CDH4: variants seen among roughly 807,000 people sequenced by gnomAD.
CDH4 encodes cadherin-4.
CDH4 carries 33 observed loss-of-function variants against 86.0 expected under a neutral mutation model. The ratio of observed to expected loss-of-function variants is 0.38; its 90% CI spans 0.29 to 0.51. The LOEUF (loss-of-function observed/expected upper bound fraction) is 0.51, where lower values mean the gene tolerates loss of function less well. Ranked by LOEUF, CDH4 falls within the 20% of genes least tolerant of loss-of-function variation. The probability of loss-of-function intolerance (pLI) is 0.86; values close to 1 mark genes in which losing one functional copy is unlikely to be tolerated. For missense variants in CDH4, 1,114 were observed against 1,307.4 expected (o/e 0.85, Z 2.28); for synonymous variants, 555 against 549.4 (o/e 1.01, Z -0.14).
At chr20:61,572,866 T>TGGATGGACGGAC (rs1221730212) in intron 2 of CDH4, among the ~76,000 whole-genome samples, 1 of 150,482 alleles carries the variant, frequency 6.6e-6, no homozygotes, top group African/African-American at 2.5e-5. Flanking sequence ...GATGGATGGA[T>TGGATGGACGGAC]GGACAGACAG....
In CDH4 at chr20:61,909,773, C is replaced by T. The variant is rs59725132; in HGVS notation, c.1189-649C>T. On this transcript the variant is annotated intron_variant, in intron 8 of 15. Coordinates refer to ENST00000614565, the MANE Select transcript of CDH4 (RefSeq NM_001794.5). Reference sequence around the variant, plus strand: ...AATCTCCCCAGCTCAGAATTCTTACCTCCAGCACCTTTTCTTCCTACAAGG... The same window carrying T: ...AATCTCCCCAGCTCAGAATTCTTACTTCCAGCACCTTTTCTTCCTACAAGG... Among the ~76,000 whole-genome samples the T allele has an allele frequency of 7.9e-5, 12 of 152,358 alleles. No individual in the cohort carries two copies. The East Asian group carries it at 2.3e-3, about 29-fold the overall frequency.
At chr20:61,864,903 C>G (rs148538913) in intron 6 of CDH4, among the ~76,000 whole-genome samples, 303 of 152,306 alleles carry the variant, frequency 2.0e-3, no homozygotes, top group African/African-American at 6.8e-3. Flanking sequence ...CGGGGCCACT[C>G]TCCTGCCCTG....
chr20:61,285,339 G>C (rs2123172960), intron 2 of CDH4, among the ~76,000 whole-genome samples: 1 of 149,866 alleles, frequency 6.7e-6, no homozygotes, highest in Middle Eastern at 3.4e-3. Context: ...GTGTAGCATA[G>C]AGCAGGGGCA....
At chr20:61,585,968 G>A (rs935211743) in intron 2 of CDH4, among the ~76,000 whole-genome samples, 1 of 111,346 alleles carries the variant, frequency 9.0e-6, no homozygotes, top group African/African-American at 3.2e-5. Context: ...GATGGTGATG[G>A]TGATGATGTG....
chr20:61,782,451 C>T (rs139698786), intron 4 of CDH4, among the ~76,000 whole-genome samples: 1 of 152,312 alleles, frequency 6.6e-6, no homozygotes, highest in African/African-American at 2.4e-5. Flanking sequence ...AAATCCACAC[C>T]TCCAGGAAGG....
intron 2 of CDH4, among the ~76,000 whole-genome samples, chr20:61,515,951 C>G (rs2145619435): frequency 6.6e-6 from 1 of 152,214 alleles, no homozygotes; most frequent in African/African-American, 2.4e-5. Flanking sequence ...ATCCTGCCAT[C>G]CCTCACCCCT....
At chr20:61,529,437 G>A (rs1445410382) in intron 2 of CDH4, among the ~76,000 whole-genome samples, 4 of 152,174 alleles carry the variant, frequency 2.6e-5, no homozygotes, top group Non-Finnish European at 4.4e-5. Flanking sequence ...CACTGGAGGC[G>A]CTTCACAAGT....
intron 2 of CDH4, among the ~76,000 whole-genome samples, chr20:61,542,992 T>G (rs1042274974): frequency 5.3e-5 from 8 of 152,234 alleles, no homozygotes; most frequent in African/African-American, 1.7e-4. Flanking sequence ...GCCAGGAGTC[T>G]AAAAGCGGAA....
intron 2 of CDH4, among the ~76,000 whole-genome samples, chr20:61,640,461 G>A (rs1380242066): frequency 6.6e-6 from 1 of 152,184 alleles, no homozygotes; most frequent in Admixed American, 6.5e-5. Context: ...GCCCTGTGCT[G>A]GCTTCCGGGG....
chr20:61,736,138 C>T (rs1268449761), intron 2 of CDH4, among the ~76,000 whole-genome samples: 1 of 152,184 alleles, frequency 6.6e-6, no homozygotes, highest in Non-Finnish European at 1.5e-5. Flanking sequence ...CTCCATGCAA[C>T]ATCTCCTGGG....
chr20:61,674,928 T>TTGTC (rs1302166403), intron 2 of CDH4, among the ~76,000 whole-genome samples: 2 of 152,196 alleles, frequency 1.3e-5, no homozygotes, highest in African/African-American at 4.8e-5. Flanking sequence ...CCTGTACGTA[T>TTGTC]TGTCTGTGGC....
At chr20:61,748,094 G>C (rs1037040410) in intron 3 of CDH4, among the ~76,000 whole-genome samples, 14 of 151,556 alleles carry the variant, frequency 9.2e-5, no homozygotes, top group South Asian at 2.1e-4. Context: ...GGGCGTTGTG[G>C]GGGGGTTGGA....
intron 2 of CDH4, chr20:61,738,790 C>T (rs567442595): frequency 3.9e-5 from 6 of 152,428 alleles, no homozygotes; most frequent in African/African-American, 1.4e-4. Context: ...GGCAGCAAAC[C>T]CCGCTCCTCC....
chr20:61,788,449 C>T (rs1398459414), intron 4 of CDH4, among the ~76,000 whole-genome samples: 1 of 152,146 alleles, frequency 6.6e-6, no homozygotes, highest in Non-Finnish European at 1.5e-5. Flanking sequence ...CCTGGGGAAA[C>T]GGAAACTCAT....
intron 2 of CDH4, among the ~76,000 whole-genome samples, chr20:61,647,548 T>TCC (rs1252100896): frequency 9.2e-6 from 1 of 108,582 alleles, no homozygotes; most frequent in East Asian, 2.3e-4. Context: ...TCCCTCTCCC[T>TCC]CTCCCTCTCC....
At chr20:61,801,555 A>T (rs6061832) in intron 4 of CDH4, among the ~76,000 whole-genome samples, 2 of 152,010 alleles carry the variant, frequency 1.3e-5, no homozygotes, top group African/African-American at 4.8e-5. Context: ...GTGTAGCCCC[A>T]CATGGTGCTG....
intron 2 of CDH4, among the ~76,000 whole-genome samples, chr20:61,329,319 C>T (rs1328844259): frequency 2.6e-5 from 4 of 152,302 alleles, no homozygotes; most frequent in Non-Finnish European, 4.4e-5. Context: ...TTGCAGCATG[C>T]GTGGAGGGCA....
chr20:61,751,904 G>A (rs117617109), intron 3 of CDH4, among the ~76,000 whole-genome samples: 41 of 152,330 alleles, frequency 2.7e-4, no homozygotes, highest in Non-Finnish European at 5.1e-4. Flanking sequence ...CATTTGAGGT[G>A]GACTGAAAAC....
intron 2 of CDH4, among the ~76,000 whole-genome samples, chr20:61,400,126 A>G (rs976082711): frequency 1.3e-5 from 2 of 152,168 alleles, no homozygotes; most frequent in African/African-American, 2.4e-5. Context: ...GCTGGCTTCA[A>G]TCTGACTGTC....
Sources: gnomAD v4.1 joint callset for allele counts (sites outside exome capture counted in the v4.1 genomes callset) on GRCh38, gnomAD v4.1.1 for gene constraint, MANE v1.5 for transcripts, NCBI Gene and HGNC (gene_info 2026-07-23, HGNC 2026-07-21) for gene names.